The following SMCO4 variants were observed in gnomAD, a reference collection of about 807,000 sequenced individuals.
SMCO4 encodes the protein single-pass membrane protein with coiled-coil domains 4, also known as single-pass membrane and coiled-coil domain-containing protein 4.
Under a neutral mutation model 3.6 loss-of-function variants are expected in SMCO4, and 4 were observed. The ratio of observed to expected loss-of-function variants is 1.11; its 90% CI spans 0.54 to 2.53. The LOEUF is 2.53. Ranked by LOEUF, SMCO4 falls within the 30% of genes most tolerant of loss-of-function variation. SMCO4 has a pLI of 0.02. For missense variants in SMCO4, 70 were observed against 80.8 expected (o/e 0.87, Z 0.51); for synonymous variants, 36 against 35.3 (o/e 1.02, Z -0.07).
chr11:93,493,381 C>T (rs763251006), intron 2 of SMCO4, among the ~76,000 whole-genome samples: 1 of 152,174 alleles, frequency 6.6e-6, no homozygotes, highest in Non-Finnish European at 1.5e-5. Context: ...GCTGCCCCCA[C>T]CTGCTCCTGG....
chr11:93,496,656 C>A (rs1275193179), intron 2 of SMCO4, among the ~76,000 whole-genome samples: 1 of 152,152 alleles, frequency 6.6e-6, no homozygotes, highest in African/African-American at 2.4e-5. Flanking sequence ...CACTGAGGAG[C>A]ACCTGGAACC....
chr11:93,496,936 T>C (rs1948780930), intron 2 of SMCO4, among the ~76,000 whole-genome samples: 1 of 152,168 alleles, frequency 6.6e-6, no homozygotes, highest in Non-Finnish European at 1.5e-5. Context: ...AGTAACCTGT[T>C]TGGGGGATTC....
At position 93,478,734 on chromosome 11, in the gene SMCO4, CACACACACACACACACACAT is replaced by C; in HGVS notation, c.*256_*275del. On this transcript the variant is annotated 3_prime_UTR_variant, in exon 3 of 3. Transcript: ENST00000298966. ...AGAAGCACACACACACACACACACA[CACACACACACACACACACAT>C]GCGCGCGCGCTTTGAAGTCTGAAAG... The C allele has an allele frequency of 1.6e-6, 1 of 630,420 alleles. No homozygotes were observed. The highest frequency in any genetic ancestry group is 1.9e-5 in the African/African-American group (1 of 54,006). 39.1% of individuals were successfully genotyped at this position (630,420 alleles called of 1,614,324 possible).
intron 1 of SMCO4, among the ~76,000 whole-genome samples, chr11:93,507,799 G>A (rs891341148): frequency 6.6e-6 from 1 of 152,168 alleles, no homozygotes; most frequent in East Asian, 1.9e-4. Flanking sequence ...ACATGTCTGT[G>A]TAAGGCTGGA....
chr11:93,483,145 T>C (rs1330744277), intron 2 of SMCO4, among the ~76,000 whole-genome samples: 1 of 152,112 alleles, frequency 6.6e-6, no homozygotes, highest in Non-Finnish European at 1.5e-5. Flanking sequence ...TAAAGGCTTC[T>C]GTTTTTTTCA....
At chr11:93,495,169 T>C (rs1948759882) in intron 2 of SMCO4, among the ~76,000 whole-genome samples, 1 of 152,058 alleles carries the variant, frequency 6.6e-6, no homozygotes, top group African/African-American at 2.4e-5. Context: ...CACATGACTT[T>C]CCATCCCCCA....
At chr11:93,503,999 T>TA (rs1220685887) in intron 1 of SMCO4, among the ~76,000 whole-genome samples, 8 of 152,282 alleles carry the variant, frequency 5.3e-5, no homozygotes, top group African/African-American at 1.9e-4. Flanking sequence ...CATATAAAAA[T>TA]ACATGCAAAT....
At chr11:93,535,615 G>A in intron 1 of SMCO4, 2 of 1,570,996 alleles carry the variant, frequency 1.3e-6, no homozygotes, top group Non-Finnish European at 1.7e-6. Context: ...GGAGGGCTTT[G>A]AGCCTGCAGA....
intron 1 of SMCO4, among the ~76,000 whole-genome samples, chr11:93,514,248 G>T (rs1591318211): frequency 6.6e-6 from 1 of 151,652 alleles, no homozygotes; most frequent in East Asian, 1.9e-4. Context: ...GCAAAAATTA[G>T]TCTACAAAGA....
intron 1 of SMCO4, among the ~76,000 whole-genome samples, chr11:93,501,040 A>G (rs1437184282): frequency 6.6e-6 from 1 of 152,208 alleles, no homozygotes; most frequent in African/African-American, 2.4e-5. Context: ...GGCCCTGTCT[A>G]AATATTCCAA....
chr11:93,481,550 TG>T, intron 2 of SMCO4: 1 of 982,088 alleles, frequency 1.0e-6, no homozygotes, highest in Non-Finnish European at 1.2e-6. Flanking sequence ...CCAACGGCCC[TG>T]TGAGTCAGAC....
At chr11:93,505,211 G>A (rs1591313861) in intron 1 of SMCO4, among the ~76,000 whole-genome samples, 1 of 152,194 alleles carries the variant, frequency 6.6e-6, no homozygotes, top group South Asian at 2.1e-4. Context: ...GGGCCTGGCA[G>A]AGCTTTGAAA....
upstream of SMCO4, among the ~76,000 whole-genome samples, chr11:93,546,847 C>T (rs1424206328): frequency 2.6e-5 from 4 of 152,184 alleles, no homozygotes; most frequent in Admixed American, 2.6e-4. Flanking sequence ...TGGTACTGTT[C>T]TGCCCCTCAC....
Position 93,507,510 on chromosome 11 carries a change from T to C in SMCO4, c.-153-8162A>G, listed in dbSNP as rs529961901. Among the ~76,000 whole-genome samples, 4 of 152,352 alleles carry C rather than the reference T, an allele frequency of 2.6e-5. No homozygotes were observed. The East Asian group carries it at 7.7e-4, about 29-fold the overall frequency. On this transcript the variant is annotated intron_variant, in intron 1 of 2. Transcript: ENST00000298966. Reference sequence around the variant, plus strand: ...GGCAATGACATTAACAAATGTGATATGTTGATATTTTTCTAAACGGTGGTA... The same window carrying C: ...GGCAATGACATTAACAAATGTGATACGTTGATATTTTTCTAAACGGTGGTA...
At chr11:93,511,393 C>T (rs1948955421) in intron 1 of SMCO4, among the ~76,000 whole-genome samples, 1 of 151,886 alleles carries the variant, frequency 6.6e-6, no homozygotes. Context: ...AGCAGGTCCT[C>T]AAATAGCATC....
intron 1 of SMCO4, among the ~76,000 whole-genome samples, chr11:93,530,962 T>C (rs1210526664): frequency 6.6e-6 from 1 of 152,228 alleles, no homozygotes; most frequent in African/African-American, 2.4e-5. Flanking sequence ...GAATATGAGC[T>C]TATTTAGAAA....
At chr11:93,492,295 GCTGATTAA>G (rs1948726666) in intron 2 of SMCO4, among the ~76,000 whole-genome samples, 1 of 152,142 alleles carries the variant, frequency 6.6e-6, no homozygotes, top group Non-Finnish European at 1.5e-5. Flanking sequence ...CGTGCCACAA[GCTGATTAA>G]CTGTTGTGAA....
intron 1 of SMCO4, among the ~76,000 whole-genome samples, chr11:93,534,265 CACATAT>C (rs1949194177): frequency 7.0e-6 from 1 of 143,830 alleles, no homozygotes; most frequent in East Asian, 2.0e-4. Context: ...CACACACAAA[CACATAT>C]ATATATACAT....
intron 1 of SMCO4, among the ~76,000 whole-genome samples, chr11:93,541,625 C>T (rs1283518901): frequency 3.3e-5 from 5 of 152,184 alleles, no homozygotes; most frequent in Admixed American, 3.3e-4. Context: ...GTGAAATACA[C>T]ACTTTCTAAG....
Sources: allele counts gnomAD v4.1 joint callset (sites outside exome capture counted in the v4.1 genomes callset), GRCh38; gene constraint gnomAD v4.1.1; transcripts MANE v1.5; gene names NCBI Gene and HGNC (gene_info 2026-07-23, HGNC 2026-07-21).